The following JAM3 variants were observed in gnomAD, a reference collection of about 807,000 sequenced individuals.
JAM3 encodes the protein junctional adhesion molecule C.
JAM3 carries 31 observed loss-of-function variants against 39.4 expected under a neutral mutation model. The ratio of observed to expected loss-of-function variants is 0.79; its 90% confidence interval spans 0.59 to 1.06. JAM3 has a LOEUF of 1.06. Among genes scored for constraint, JAM3 ranks in the 50% least tolerant of loss-of-function variants. The probability of loss-of-function intolerance (pLI) is 0.00; values close to 1 mark genes in which losing one functional copy is unlikely to be tolerated. For missense variants in JAM3, 455 were observed against 391.4 expected, an observed-to-expected ratio of 1.16 and a Z score of -1.37; for synonymous variants, 182 against 148.7, an observed-to-expected ratio of 1.22 and a Z score of -1.63.
intron 1 of JAM3, among the ~76,000 whole-genome samples, chr11:134,119,667 C>G (rs1020780578): frequency 1.3e-5 from 2 of 152,084 alleles, no homozygotes; most frequent in African/African-American, 4.8e-5. Flanking sequence ...GGAGAGGAGG[C>G]CAGTCTTTGT....
rs1943140432 is a variant in JAM3, at chr11:134,149,094, C to A, written c.898-52C>A. 3.1e-6 allele frequency: 5 copies of A among 1,611,146 alleles called. No individual in the cohort carries two copies. In the Admixed American group the frequency reaches 6.7e-5, roughly 21 times the overall value. ...ATGTTAGACTTACTCCGTGTTTTTCCCTGCTTGCCACCAGGCCCCTTGATG... is the reference window on the plus strand; with the variant it reads ...ATGTTAGACTTACTCCGTGTTTTTCACTGCTTGCCACCAGGCCCCTTGATG... On this transcript the variant is annotated intron_variant, in intron 8 of 8. Transcript: ENST00000299106.
chr11:134,128,897 G>A (rs1159985060), intron 1 of JAM3, among the ~76,000 whole-genome samples: 2 of 151,962 alleles, frequency 1.3e-5, no homozygotes, highest in Admixed American at 6.6e-5. Flanking sequence ...ATTCCCCTCT[G>A]TATTAGTTTA....
rs867967328 is a variant in JAM3, at chr11:134,123,741, G to T, written c.77-16110G>T. 23 of 619,054 alleles carry T rather than the reference G, an allele frequency of 3.7e-5. 1 individual carries two copies. Among genetic ancestry groups the T allele is most frequent in the Admixed American group, 1.6e-4 (7 of 43,564 alleles). 38.3% of individuals were successfully genotyped at this position (619,054 alleles called of 1,614,324 possible). The stretch of plus-strand genomic sequence containing the variant: ...ATCCATCACTACTTTGATGACACAG[G>T]TAAGATTCCAGATTCACATTTCCAG... On this transcript the variant is annotated intron_variant, in intron 1 of 8. Coordinates refer to ENST00000299106, the MANE Select transcript of JAM3 (RefSeq NM_032801.5).
chr11:134,144,194 A>G (rs1172541299), intron 3 of JAM3, 47 bp from the exon 4 acceptor site: 4 of 1,611,884 alleles, frequency 2.5e-6, no homozygotes, highest in Non-Finnish European at 3.4e-6. Flanking sequence ...TCAAGTGGCA[A>G]AGATTTCTTT....
chr11:134,072,604 C>G (rs958784941), intron 1 of JAM3, among the ~76,000 whole-genome samples: 5 of 152,218 alleles, frequency 3.3e-5, no homozygotes, highest in African/African-American at 1.2e-4. Context: ...GCCACCACGC[C>G]CAGCTGGATT....
Position 134,149,507 on chromosome 11 carries a change from G to A in JAM3, c.*326G>A, listed in dbSNP as rs1202488213. On this transcript the variant is annotated 3_prime_UTR_variant, in exon 9 of 9. Transcript: ENST00000299106. ...AAAGAGTTTGCTCACGTAAACGCCCGTGCTGGGCCCTGTGAAGCCAGCATG... is the reference window on the plus strand; with the variant it reads ...AAAGAGTTTGCTCACGTAAACGCCCATGCTGGGCCCTGTGAAGCCAGCATG... 7 of 518,874 alleles carry A rather than the reference G, an allele frequency of 1.3e-5. No homozygotes were observed. The highest frequency in any genetic ancestry group is 9.5e-5 in the Admixed American group (4 of 42,184). 32.1% of individuals were successfully genotyped at this position (518,874 alleles called of 1,614,324 possible). A position where few individuals can be genotyped will look rare whatever the true frequency, so the allele number is the denominator to read the frequency against.
chr11:134,075,149 G>A lies in JAM3; in HGVS notation c.76+5990G>A, dbSNP rs547158330. Among the ~76,000 whole-genome samples the A allele has an allele frequency of 1.1e-4, 16 of 152,228 alleles. No individual in the cohort carries two copies. In the East Asian group the frequency reaches 1.7e-3, roughly 17 times the overall value. On this transcript the variant is annotated intron_variant, in intron 1 of 8. Transcript: ENST00000299106. Reference sequence around the variant, plus strand: ...GCAAAGCAGGAGAACTTAAGATAATGTCTTCCCTTTACCAGAGGGAACATA... The same window carrying A: ...GCAAAGCAGGAGAACTTAAGATAATATCTTCCCTTTACCAGAGGGAACATA...
chr11:134,096,632 T>G (rs1039074944), intron 1 of JAM3, among the ~76,000 whole-genome samples: 4 of 152,230 alleles, frequency 2.6e-5, no homozygotes, highest in South Asian at 2.1e-4. Flanking sequence ...AAGTCTCATT[T>G]CTATTATCTA....
intron 1 of JAM3, among the ~76,000 whole-genome samples, chr11:134,135,058 A>T (rs1447043255): frequency 6.6e-6 from 1 of 152,166 alleles, no homozygotes; most frequent in Non-Finnish European, 1.5e-5. Flanking sequence ...GTGTTGTATC[A>T]AATCATTGCC....
chr11:134,124,845 C>T (rs1942613118), intron 1 of JAM3, among the ~76,000 whole-genome samples: 1 of 152,258 alleles, frequency 6.6e-6, no homozygotes, highest in African/African-American at 2.4e-5. Flanking sequence ...CGGCAGAAGT[C>T]TGCCCTCACA....
intron 1 of JAM3, among the ~76,000 whole-genome samples, chr11:134,123,121 A>G (rs1195743084): frequency 6.6e-6 from 1 of 152,248 alleles, no homozygotes; most frequent in African/African-American, 2.4e-5. Flanking sequence ...GTTTTGAGGA[A>G]AAGAAGCTAA....
intron 3 of JAM3, among the ~76,000 whole-genome samples, chr11:134,142,276 C>T (rs974097501): frequency 1.3e-5 from 2 of 152,168 alleles, no homozygotes; most frequent in African/African-American, 4.8e-5. Context: ...GGCCTCTTTC[C>T]TCGCCTCAGT....
intron 1 of JAM3, among the ~76,000 whole-genome samples, chr11:134,093,805 A>G (rs648865): frequency 1.2e-4 from 10 of 84,598 alleles, no homozygotes; most frequent in Non-Finnish European, 1.8e-4. Flanking sequence ...CTCCTTATTC[A>G]TCATGTTCCA....
intron 1 of JAM3, among the ~76,000 whole-genome samples, chr11:134,089,352 G>A (rs905810302): frequency 4.6e-5 from 7 of 151,870 alleles, no homozygotes; most frequent in African/African-American, 1.5e-4. Context: ...GGGTACATGT[G>A]CACAGCATGC....
At chr11:134,086,393 C>T (rs558367745) in intron 1 of JAM3, among the ~76,000 whole-genome samples, 5 of 145,460 alleles carry the variant, frequency 3.4e-5, no homozygotes, top group African/African-American at 1.1e-4. Context: ...AGAGGACAGA[C>T]GAGTATCCTG....
At chr11:134,108,453 G>C (rs989280992) in intron 1 of JAM3, among the ~76,000 whole-genome samples, 1 of 152,152 alleles carries the variant, frequency 6.6e-6, no homozygotes, top group Non-Finnish European at 1.5e-5. Flanking sequence ...GAATTACCCT[G>C]ATATCAAAAC....
intron 1 of JAM3, among the ~76,000 whole-genome samples, chr11:134,112,040 A>G (rs1425898032): frequency 1.3e-5 from 2 of 152,196 alleles, no homozygotes; most frequent in African/African-American, 2.4e-5. Flanking sequence ...ACCTTCTACT[A>G]TGTGAAAACT....
At chr11:134,146,113 T>G (rs1943066440) in intron 6 of JAM3, 68 bp downstream of exon 6, 3 of 1,097,836 alleles carry the variant, frequency 2.7e-6, no homozygotes, top group Non-Finnish European at 4.2e-6. Context: ...TAATTTAATA[T>G]TATACCATCA....
At chr11:134,148,995 C>A (rs1943135998) in intron 8 of JAM3, 151 bp from the exon 9 acceptor site, 1 of 976,948 alleles carries the variant, frequency 1.0e-6, no homozygotes, top group Non-Finnish European at 1.6e-6. Context: ...CACACACACA[C>A]TAATGGGATT....
Sources: gnomAD v4.1 joint callset for allele counts (sites outside exome capture counted in the v4.1 genomes callset) on GRCh38, gnomAD v4.1.1 for gene constraint, MANE v1.5 for transcripts, NCBI Gene and HGNC (gene_info 2026-07-23, HGNC 2026-07-21) for gene names.